The following SLC24A4 variants were observed in gnomAD, a reference collection of about 807,000 sequenced individuals.
SLC24A4 encodes sodium/potassium/calcium exchanger 4.
Under a neutral mutation model 79.0 loss-of-function variants are expected in SLC24A4, and 53 were observed. The observed-to-expected ratio is 0.67, with a 90% CI of 0.54 to 0.84. The LOEUF is 0.84. Among genes scored for constraint, SLC24A4 ranks in the 40% least tolerant of loss-of-function variants. SLC24A4 has a pLI of 0.00. For synonymous variants in SLC24A4, 323 were observed against 323.8 expected, an observed-to-expected ratio of 1.00 and a Z score of 0.03; for missense variants, 731 against 822.0, an observed-to-expected ratio of 0.89 and a Z score of 1.35.
rs546276576 is a variant in SLC24A4 at position 92,490,235 on chromosome 14, CAT to C, written c.1538-1429_1538-1428del. On this transcript the variant is annotated intron_variant, in intron 14 of 16. Coordinates refer to ENST00000532405, the MANE Select transcript of SLC24A4 (RefSeq NM_153646.4). This position sits in a 1 kb window ranked among gnomAD's most constrained non-coding sequence, Gnocchi z 4.3. The stretch of plus-strand genomic sequence containing the variant: ...GTTTCAGGTTTGTTCATTCCAAAAA[CAT>C]GTGTATGTGTGCCAGGTTAGGACAG... Among the ~76,000 whole-genome samples the C allele has an allele frequency of 6.5e-4, 99 of 152,316 alleles. No individual in the cohort carries two copies. The highest frequency in any genetic ancestry group is 1.6e-3 in the African/African-American group (67 of 41,554).
In SLC24A4 at chr14:92,442,709, C is replaced by G. The variant is rs1248422637; in HGVS notation, c.479-4C>G. ...GGCCCAGGGTCTGTGTGTTTCCTTT[C>G]CAGGGGTGTTCATCACCCATGGGGA... On this transcript the variant is annotated splice_region_variant and splice_polypyrimidine_tract_variant and intron_variant, in intron 5 of 16. Transcript: ENST00000532405. The G allele has an allele frequency of 6.2e-7, 1 of 1,609,222 alleles. No individual in the cohort carries two copies. The highest frequency in any genetic ancestry group is 1.7e-4 in the Middle Eastern group (1 of 6,042).
At chr14:92,350,316 A>G (rs1381544222) in intron 2 of SLC24A4, among the ~76,000 whole-genome samples, 4 of 152,172 alleles carry the variant, frequency 2.6e-5, no homozygotes, top group Admixed American at 2.6e-4. Context: ...TACAACCCTC[A>G]GTAAGATAGA....
chr14:92,336,620 T>C (rs572118741), intron 2 of SLC24A4, among the ~76,000 whole-genome samples: 1 of 152,286 alleles, frequency 6.6e-6, no homozygotes, highest in Non-Finnish European at 1.5e-5. Flanking sequence ...CCCTGTACTG[T>C]ACTAGGCTCT....
intron 14 of SLC24A4, 133 bp from the exon 15 acceptor site, chr14:92,491,532 A>G: frequency 1.5e-6 from 1 of 646,222 alleles, no homozygotes; most frequent in South Asian, 1.9e-5. Flanking sequence ...CCTTATGAAA[A>G]GGTTTAGAAA....
chr14:92,419,043 T>G (rs1314587212), intron 2 of SLC24A4, among the ~76,000 whole-genome samples: 2 of 152,062 alleles, frequency 1.3e-5, no homozygotes, highest in African/African-American at 2.4e-5. Flanking sequence ...TGGGGTGGAG[T>G]TGAATTCACA....
chr14:92,465,683 T>A (rs1030722097), intron 12 of SLC24A4, among the ~76,000 whole-genome samples: 1 of 152,086 alleles, frequency 6.6e-6, no homozygotes, highest in African/African-American at 2.4e-5. Context: ...GATCCCTGTG[T>A]CACTCGACTG....
intron 2 of SLC24A4, among the ~76,000 whole-genome samples, chr14:92,333,413 GT>G (rs367873383): frequency 2.6e-5 from 4 of 152,024 alleles, no homozygotes; most frequent in Non-Finnish European, 5.9e-5. Context: ...GAGATTGAAT[GT>G]TTTTTTTCAT....
Position 92,449,054 on chromosome 14 carries a change from C to G in SLC24A4, c.738-20C>G. The G allele has an allele frequency of 1.9e-6, 3 of 1,613,696 alleles. No individual in the cohort carries two copies. Among genetic ancestry groups the G allele is most frequent in the Non-Finnish European group, 2.5e-6 (3 of 1,179,684 alleles). On this transcript the variant is annotated intron_variant, in intron 9 of 16. Transcript: ENST00000532405. The stretch of plus-strand genomic sequence containing the variant: ...GACTCCTTTCCATTGCCCTGACCTC[C>G]TGCCTCCCCTCGCTTCCAGGTACAA...
chr14:92,454,037 C>G lies in SLC24A4; in HGVS notation c.1018C>G (p.Leu340Val). 6.2e-7 allele frequency: 1 copy of G among 1,613,282 alleles called. No homozygotes were observed. The highest frequency in any genetic ancestry group is 8.5e-7 in the Non-Finnish European group (1 of 1,179,616). ...CAATAAGTTTGGACCCAGGACCCGACTACGGATGGCCAGCAGGATCATCAT... is the reference window on the plus strand; with the variant it reads ...CAATAAGTTTGGACCCAGGACCCGAGTACGGATGGCCAGCAGGATCATCAT... ...ITNKFGPRTR[L>V]RMASRIIINE... is the part of the protein sequence containing the mutation. Residue 340 changes from leucine (L) to valine (V), a missense_variant, in exon 11 of 17, where the codon CTA (leucine) becomes GTA (valine). Transcript: ENST00000532405.
In SLC24A4 at chr14:92,373,929, AC is replaced by A. The variant is rs561733563; in HGVS notation, c.241+47956del. Among the ~76,000 whole-genome samples the A allele has an allele frequency of 2.1e-3, 326 of 151,956 alleles. 2 individuals are homozygous for A. The highest frequency in any genetic ancestry group is 7.7e-3 in the African/African-American group (317 of 41,416). ...TCTTTTATCAATGCCCCATCTACTC[AC>A]CCCCTTCTCATATTATTATTTTGAA... On this transcript the variant is annotated intron_variant, in intron 2 of 16. Transcript: ENST00000532405.
chr14:92,324,724 C>G (rs10135448), intron 1 of SLC24A4, among the ~76,000 whole-genome samples: 58,528 of 152,068 alleles, frequency 0.38, 11,511 homozygotes, highest in Middle Eastern at 0.51. Flanking sequence ...CTAATCGTCT[C>G]ATTTTGAGTT....
chr14:92,382,402 G>A (rs753068411), intron 2 of SLC24A4, among the ~76,000 whole-genome samples: 1 of 152,146 alleles, frequency 6.6e-6, no homozygotes, highest in Non-Finnish European at 1.5e-5. Flanking sequence ...GGGGATAATG[G>A]TAGTCTCTGT....
rs1016342673 is a variant in SLC24A4 at position 92,340,613 on chromosome 14, C to T, written c.241+14635C>T. ...GGGGGCTGGGCTTTCCTGTGTCTCA[C>T]GTGAGGATTTAAGAGTGGGAAAGAT... On this transcript the variant is annotated intron_variant, in intron 2 of 16. Coordinates refer to ENST00000532405, the MANE Select transcript of SLC24A4 (RefSeq NM_153646.4). Among the ~76,000 whole-genome samples, 7 of 151,996 alleles carry T rather than the reference C, an allele frequency of 4.6e-5. No individual in the cohort carries two copies. In the East Asian group the frequency reaches 7.7e-4, roughly 17 times the overall value.
At chr14:92,443,531 G>A (rs557149235) in intron 7 of SLC24A4, 57 bp downstream of exon 7, 1 of 1,555,664 alleles carries the variant, frequency 6.4e-7, no homozygotes, top group South Asian at 1.1e-5. Flanking sequence ...GAAGGCACAG[G>A]ACCCCTGCCC....
Position 92,491,771 on chromosome 14 carries a change from A to G in SLC24A4, c.1644A>G (p.Gly548=). Residue 548 remains glycine, a synonymous_variant, in exon 15 of 17, where the codon GGA becomes GGG. Transcript: ENST00000532405. Reference sequence around the variant, plus strand: ...TGCAGACCATGGTTGTTAATTATGGATCAACAGTAAGTTCCTCTCACCTTT... The same window carrying G: ...TGCAGACCATGGTTGTTAATTATGGGTCAACAGTAAGTTCCTCTCACCTTT... ...WGLQTMVVNY[G]STVKINSRGL... 6.2e-7 allele frequency: 1 copy of G among 1,609,178 alleles called. No individual in the cohort carries two copies. Among genetic ancestry groups the G allele is most frequent in the South Asian group, 1.1e-5 (1 of 91,002 alleles).
chr14:92,380,407 C>A (rs1371257593), intron 2 of SLC24A4, among the ~76,000 whole-genome samples: 1 of 152,148 alleles, frequency 6.6e-6, no homozygotes, highest in East Asian at 1.9e-4. Context: ...CAGGCAGGAT[C>A]CTGCTTGAAA....
At chr14:92,456,997 A>G (rs1893514072) in intron 12 of SLC24A4, among the ~76,000 whole-genome samples, 1 of 152,208 alleles carries the variant, frequency 6.6e-6, no homozygotes, top group African/African-American at 2.4e-5. Context: ...GCAGCAGGCC[A>G]TTTTGCCTAT....
intron 1 of SLC24A4, among the ~76,000 whole-genome samples, chr14:92,324,676 A>G (rs1483585478): frequency 6.6e-6 from 1 of 152,206 alleles, no homozygotes; most frequent in East Asian, 1.9e-4. Flanking sequence ...AACCTTCAGG[A>G]GGCATTCACT....
intron 12 of SLC24A4, among the ~76,000 whole-genome samples, chr14:92,457,049 A>G (rs897802359): frequency 2.0e-5 from 3 of 152,190 alleles, no homozygotes; most frequent in African/African-American, 7.2e-5. Context: ...TAAGGCCACA[A>G]ATGATCCTTA....
Sources: allele counts gnomAD v4.1 joint callset (sites outside exome capture counted in the v4.1 genomes callset), GRCh38; gene constraint gnomAD v4.1.1; non-coding constraint Gnocchi (gnomAD v3.1); transcripts MANE v1.5; gene names NCBI Gene and HGNC (gene_info 2026-07-23, HGNC 2026-07-21).